The following GRID1 variants were observed in gnomAD, a reference collection of about 807,000 sequenced individuals.
GRID1 encodes the protein glutamate receptor ionotropic, delta-1.
A neutral mutation model predicts 98.0 loss-of-function variants in GRID1; 28 were observed. That is an observed-to-expected ratio of 0.29 (90% CI 0.21 to 0.39). The LOEUF is 0.39. Ranked by LOEUF, GRID1 falls within the 10% of genes least tolerant of loss-of-function variation. The probability of loss-of-function intolerance (pLI) is 1.00; values close to 1 mark genes in which losing one functional copy is unlikely to be tolerated. For missense variants in GRID1, 1,111 were observed against 1,340.5 expected (o/e 0.83, Z 2.67); for synonymous variants, 553 against 538.5 (o/e 1.03, Z -0.37).
At chr10:85,648,789 C>T (rs1359922178) in intron 12 of GRID1, among the ~76,000 whole-genome samples, 1 of 152,312 alleles carries the variant, frequency 6.6e-6, no homozygotes, top group Middle Eastern at 3.4e-3. Flanking sequence ...GGGAGCCATC[C>T]GCACCCCAGC....
chr10:86,201,582 G>A (rs910681880), intron 3 of GRID1, among the ~76,000 whole-genome samples: 1 of 151,908 alleles, frequency 6.6e-6, no homozygotes, highest in African/African-American at 2.4e-5. Flanking sequence ...AACAACGAAT[G>A]GGTACTAGGC....
At chr10:86,045,155 A>G (rs1260660620) in intron 4 of GRID1, among the ~76,000 whole-genome samples, 2 of 152,232 alleles carry the variant, frequency 1.3e-5, no homozygotes, top group Non-Finnish European at 2.9e-5. Context: ...ACAATAACAC[A>G]TTGTGGTAGA....
intron 4 of GRID1, among the ~76,000 whole-genome samples, chr10:86,037,329 A>C (rs969900314): frequency 8.5e-5 from 13 of 152,230 alleles, no homozygotes; most frequent in Admixed American, 7.9e-4. Flanking sequence ...CTGATGATCA[A>C]GAACATGCAA....
chr10:85,976,952 C>T (rs965017357), intron 4 of GRID1, among the ~76,000 whole-genome samples: 2 of 152,150 alleles, frequency 1.3e-5, no homozygotes, highest in Non-Finnish European at 2.9e-5. Flanking sequence ...TCTCCTGCTC[C>T]AAATGGAAGG....
chr10:85,882,944 G>A lies in GRID1; in HGVS notation c.781-13764C>T, dbSNP rs199756605. ...ATTTTTACTCTGTTTCTGATTCTTG[G>A]GATTCCTGAGTATGGAGTTTGATTT... is the stretch of plus-strand genomic sequence containing the variant. On this transcript the variant is annotated intron_variant, in intron 5 of 15. Coordinates refer to ENST00000327946, the MANE Select transcript of GRID1 (RefSeq NM_017551.3). 7.2e-5 allele frequency among the ~76,000 whole-genome samples: 11 copies of A among 151,916 alleles called. No homozygotes were observed. The East Asian group carries it at 2.1e-3, about 29-fold the overall frequency.
At chr10:85,810,902 G>A (rs779988709) in intron 8 of GRID1, among the ~76,000 whole-genome samples, 28 of 151,990 alleles carry the variant, frequency 1.8e-4, no homozygotes, top group African/African-American at 4.8e-4. Flanking sequence ...CCCTGACCCC[G>A]GTGAGCCAGT....
intron 3 of GRID1, among the ~76,000 whole-genome samples, chr10:86,141,323 C>G (rs1452799872): frequency 2.6e-5 from 4 of 152,190 alleles, no homozygotes; most frequent in Admixed American, 6.5e-5. Context: ...TCCCAAGCTT[C>G]TTGAAAGAAA....
At chr10:85,844,207 T>C (rs1842985710) in intron 8 of GRID1, among the ~76,000 whole-genome samples, 1 of 152,068 alleles carries the variant, frequency 6.6e-6, no homozygotes, top group African/African-American at 2.4e-5. Context: ...ATATATAATA[T>C]TTTTTAAATG....
chr10:86,313,464 A>C (rs557259528), intron 2 of GRID1, among the ~76,000 whole-genome samples: 2 of 152,154 alleles, frequency 1.3e-5, no homozygotes, highest in Non-Finnish European at 2.9e-5. Context: ...ATGTTAGTGT[A>C]ATGAACAGAG....
At chr10:85,771,767 GCTAA>G (rs1158673983) in intron 8 of GRID1, among the ~76,000 whole-genome samples, 4 of 152,156 alleles carry the variant, frequency 2.6e-5, no homozygotes, top group African/African-American at 7.2e-5. Flanking sequence ...AACAAGAAGA[GCTAA>G]CTATCCTAAA....
chr10:86,165,442 G>A (rs1845384918), intron 3 of GRID1, among the ~76,000 whole-genome samples: 1 of 152,212 alleles, frequency 6.6e-6, no homozygotes, highest in East Asian at 1.9e-4. Flanking sequence ...ACCCTGCAGG[G>A]CAGAACTGCA....
intron 4 of GRID1, among the ~76,000 whole-genome samples, chr10:85,940,438 C>A (rs1841984514): frequency 6.6e-6 from 1 of 152,154 alleles, no homozygotes; most frequent in African/African-American, 2.4e-5. Context: ...CTGCTGGCAA[C>A]CCTCTCCAAA....
chr10:86,139,421 A>G (rs994307625), intron 3 of GRID1, among the ~76,000 whole-genome samples: 3 of 152,054 alleles, frequency 2.0e-5, no homozygotes, highest in Non-Finnish European at 4.4e-5. Context: ...TCCCAACATG[A>G]GGCTCCTAGA....
intron 12 of GRID1, among the ~76,000 whole-genome samples, chr10:85,710,566 A>C (rs140256772): frequency 8.7e-4 from 132 of 152,262 alleles, no homozygotes; most frequent in African/African-American, 3.0e-3. Flanking sequence ...TTGGCAATGA[A>C]TATTATACCT....
intron 4 of GRID1, among the ~76,000 whole-genome samples, chr10:86,004,712 GTCTC>G (rs1216812335): frequency 7.6e-6 from 1 of 131,242 alleles, no homozygotes; most frequent in African/African-American, 3.1e-5. Context: ...ATCTCTCTCT[GTCTC>G]TCTCTCTTTC....
chr10:85,603,086 T>C (rs888668511), intron 15 of GRID1, among the ~76,000 whole-genome samples: 1 of 152,172 alleles, frequency 6.6e-6, no homozygotes, highest in East Asian at 1.9e-4. Flanking sequence ...GCCCCTAAGG[T>C]GTCCCATGAA....
chr10:85,793,225 C>T (rs978216597), intron 8 of GRID1, among the ~76,000 whole-genome samples: 4 of 152,174 alleles, frequency 2.6e-5, no homozygotes, highest in Non-Finnish European at 5.9e-5. Flanking sequence ...TCCATGTGCA[C>T]TCCTTGAGTG....
At chr10:85,624,306 A>G (rs1368884227) in intron 13 of GRID1, among the ~76,000 whole-genome samples, 2 of 152,246 alleles carry the variant, frequency 1.3e-5, no homozygotes, top group Non-Finnish European at 2.9e-5. Flanking sequence ...TAGTCCATTT[A>G]TAATATGAAA....
intron 13 of GRID1, among the ~76,000 whole-genome samples, chr10:85,634,639 C>A (rs1843015572): frequency 6.6e-6 from 1 of 152,090 alleles, no homozygotes; most frequent in African/African-American, 2.4e-5. Flanking sequence ...AGTGCATAAG[C>A]ACAATGCCAC....
Sources: gnomAD v4.1 joint callset for allele counts (sites outside exome capture counted in the v4.1 genomes callset) on GRCh38, gnomAD v4.1.1 for gene constraint, MANE v1.5 for transcripts, NCBI Gene and HGNC (gene_info 2026-07-23, HGNC 2026-07-21) for gene names.